FGF14: variants seen among roughly 807,000 people sequenced by gnomAD.
FGF14 encodes fibroblast growth factor homologous factor 4.
Under a neutral mutation model 25.5 loss-of-function variants are expected in FGF14, and 5 were observed. The ratio of observed to expected loss-of-function variants is 0.20; its 90% CI spans 0.10 to 0.41. The LOEUF is 0.41. Ranked by LOEUF, FGF14 falls within the 10% of genes least tolerant of loss-of-function variation. The pLI is 1.00. For synonymous variants in FGF14, 138 were observed against 118.3 expected, an observed-to-expected ratio of 1.17 and a Z score of -1.08; for missense variants, 222 against 320.1, an observed-to-expected ratio of 0.69 and a Z score of 2.34.
chr13:101,988,711 T>TG lies in FGF14; in HGVS notation c.209-113416dup, dbSNP rs1450648065. Among the ~76,000 whole-genome samples the TG allele has an allele frequency of 7.0e-4, 3 of 4,312 alleles. No individual in the cohort carries two copies. The South Asian group carries it at 0.018, about 25-fold the overall frequency. 2.8% of individuals were successfully genotyped at this position (4,312 alleles called of 152,430 possible). ...TCACACACTGGGGCCTGTTGTGGGGTGGGGGGGAGGGGGGAGGGATAGCAT... is the reference window on the plus strand; with the variant it reads ...TCACACACTGGGGCCTGTTGTGGGGTGGGGGGGGAGGGGGGAGGGATAGCAT... On this transcript the variant is annotated intron_variant, in intron 1 of 4. Coordinates refer to the FGF14 transcript ENST00000376131.
chr13:102,076,343 T>C (rs945500587), intron 1 of FGF14, among the ~76,000 whole-genome samples: 24 of 152,206 alleles, frequency 1.6e-4, no homozygotes, highest in African/African-American at 5.5e-4. Context: ...TGTGTTACAA[T>C]TGCCCACAGT....
intron 1 of FGF14, among the ~76,000 whole-genome samples, chr13:102,104,891 G>GC (rs2044832299): frequency 6.6e-6 from 1 of 152,112 alleles, no homozygotes; most frequent in South Asian, 2.1e-4. Flanking sequence ...CACCATCCTT[G>GC]CAGTAGTGCC....
At chr13:102,047,866 T>C (rs532019107) in intron 1 of FGF14, among the ~76,000 whole-genome samples, 5 of 152,108 alleles carry the variant, frequency 3.3e-5, no homozygotes, top group Non-Finnish European at 7.4e-5. Flanking sequence ...TTTCTCAACA[T>C]TAAAAAGGAA....
At chr13:102,202,636 T>C (rs531348394) in intron 1 of FGF14, among the ~76,000 whole-genome samples, 1 of 152,362 alleles carries the variant, frequency 6.6e-6, no homozygotes, top group African/African-American at 2.4e-5. Flanking sequence ...TGGCTGTTGC[T>C]ACCTTTTGAA....
intron 3 of FGF14, among the ~76,000 whole-genome samples, chr13:101,838,247 C>CAT (rs1031562185): frequency 7.8e-4 from 118 of 151,864 alleles, no homozygotes; most frequent in African/African-American, 2.7e-3. Flanking sequence ...TAACCCTGTT[C>CAT]ATATATATAT....
intron 1 of FGF14, among the ~76,000 whole-genome samples, chr13:102,087,484 T>C (rs1245914148): frequency 7.1e-6 from 1 of 140,100 alleles, no homozygotes; most frequent in African/African-American, 2.7e-5. Context: ...TGATCTCGGC[T>C]CATTGCAAGC....
intron 1 of FGF14, among the ~76,000 whole-genome samples, chr13:101,933,584 C>T (rs113888481): frequency 2.0e-5 from 3 of 152,228 alleles, no homozygotes; most frequent in Admixed American, 1.3e-4. Flanking sequence ...ATTATCTGGA[C>T]TTGGGGGCGA....
At chr13:101,982,529 C>T (rs919263565) in intron 1 of FGF14, among the ~76,000 whole-genome samples, 1 of 152,178 alleles carries the variant, frequency 6.6e-6, no homozygotes, top group African/African-American at 2.4e-5. Context: ...AAGGCAACAT[C>T]TTTTATGTGA....
At chr13:102,358,065 G>A (rs890040401) in intron 1 of FGF14, among the ~76,000 whole-genome samples, 1 of 151,960 alleles carries the variant, frequency 6.6e-6, no homozygotes, top group Admixed American at 6.6e-5. Context: ...TATTTTTAAT[G>A]GGCAAAATTT....
chr13:102,008,726 C>T lies in FGF14; in HGVS notation c.209-133430G>A, dbSNP rs1345137716. ...ATGTTCATGTTTTCCAGGATGTGAG[C>T]AGCTGTTCTCTTGAACTTGTTACGG... is the stretch of plus-strand genomic sequence containing the variant. On this transcript the variant is annotated intron_variant, in intron 1 of 4. Coordinates refer to the FGF14 transcript ENST00000376131. Among the ~76,000 whole-genome samples the T allele has an allele frequency of 3.9e-5, 6 of 152,048 alleles. No individual in the cohort carries two copies. In the East Asian group the frequency reaches 1.2e-3, roughly 29 times the overall value.
intron 1 of FGF14, among the ~76,000 whole-genome samples, chr13:102,140,820 T>C (rs2046614581): frequency 6.6e-6 from 1 of 152,198 alleles, no homozygotes; most frequent in South Asian, 2.1e-4. Context: ...CCTTGTTGTA[T>C]TGTCGTATTA....
At chr13:101,732,466 C>T (rs902144176) in intron 3 of FGF14, among the ~76,000 whole-genome samples, 1 of 152,102 alleles carries the variant, frequency 6.6e-6, no homozygotes, top group Non-Finnish European at 1.5e-5. Context: ...TAATATATTA[C>T]TAACCTCTAT....
intron 1 of FGF14, among the ~76,000 whole-genome samples, chr13:102,013,052 G>A (rs1193857619): frequency 6.6e-6 from 1 of 152,084 alleles, no homozygotes; most frequent in African/African-American, 2.4e-5. Context: ...CTACTCGAGA[G>A]GTTGAGGCAG....
chr13:101,881,875 C>T (rs1405908652), intron 1 of FGF14, among the ~76,000 whole-genome samples: 1 of 152,114 alleles, frequency 6.6e-6, no homozygotes, highest in Admixed American at 6.6e-5. Flanking sequence ...CTAAAAGACA[C>T]TTATGGTACT....
At chr13:102,046,887 C>A (rs931976916) in intron 1 of FGF14, among the ~76,000 whole-genome samples, 3 of 152,146 alleles carry the variant, frequency 2.0e-5, no homozygotes, top group African/African-American at 7.2e-5. Context: ...AATGTCTCTT[C>A]ATGGGTACTG....
intron 3 of FGF14, among the ~76,000 whole-genome samples, chr13:101,830,741 T>C (rs184511941): frequency 6.3e-4 from 96 of 152,180 alleles, no homozygotes; most frequent in African/African-American, 2.1e-3. Flanking sequence ...ATCTTACAGT[T>C]TTGCAGATGA....
At position 101,851,221 on chromosome 13, in the gene FGF14, C is replaced by T. The variant is rs140656026; in HGVS notation, c.408+17504G>A. Among the ~76,000 whole-genome samples, 423 of 152,064 alleles carry T rather than the reference C, an allele frequency of 2.8e-3. 2 individuals are homozygous for T. Among genetic ancestry groups the T allele is most frequent in the African/African-American group, 8.5e-3 (352 of 41,530 alleles). ...ACAGAGACAGAGACAGGCACACAGG[C>T]GGATTTACCTAGTTCTGTGGGATCT... On this transcript the variant is annotated intron_variant, in intron 3 of 4. Coordinates refer to ENST00000376143, the MANE Select transcript of FGF14 (RefSeq NM_004115.4).
At chr13:101,831,836 A>G (rs1594410571) in intron 3 of FGF14, among the ~76,000 whole-genome samples, 1 of 152,182 alleles carries the variant, frequency 6.6e-6, no homozygotes, top group South Asian at 2.1e-4. Context: ...AGTAAAATCT[A>G]AGGTTGCAGA....
chr13:101,983,835 G>A (rs1229912378), intron 1 of FGF14, among the ~76,000 whole-genome samples: 5 of 152,230 alleles, frequency 3.3e-5, no homozygotes, highest in Non-Finnish European at 2.9e-5. Flanking sequence ...TCCTGCCAAC[G>A]TCTACCTGGC....
Sources: allele counts gnomAD v4.1 joint callset (sites outside exome capture counted in the v4.1 genomes callset), GRCh38; gene constraint gnomAD v4.1.1; transcripts MANE v1.5; gene names NCBI Gene and HGNC (gene_info 2026-07-23, HGNC 2026-07-21).